Variants in TPR observed in about 807,000 individuals in gnomAD.
TPR encodes nucleoprotein TPR.
A neutral mutation model predicts 316.1 loss-of-function variants in TPR; 51 were observed. That is an observed-to-expected ratio of 0.16 (90% CI 0.13 to 0.20). The LOEUF (loss-of-function observed/expected upper bound fraction) is 0.20, where lower values mean the gene tolerates loss of function less well. TPR is among the 10% of genes least tolerant of loss of function. The pLI, the probability that TPR is intolerant of heterozygous loss-of-function variation, is 1.00. For synonymous variants in TPR, 981 were observed against 914.7 expected (o/e 1.07, Z -1.31); for missense variants, 2,272 against 2,754.8 (o/e 0.82, Z 3.92).
intron 42 of TPR, 130 bp from the exon 43 acceptor site, chr1:186,324,000 A>G: frequency 7.5e-6 from 7 of 927,672 alleles, no homozygotes; most frequent in African/African-American, 5.3e-5. Flanking sequence ...TAAAGTAGTG[A>G]GGTGTGATGG....
intron 46 of TPR, among the ~76,000 whole-genome samples, chr1:186,319,070 A>C (rs1657696316): frequency 6.6e-6 from 1 of 152,168 alleles, no homozygotes; most frequent in African/African-American, 2.4e-5. Context: ...AGCTCACTGT[A>C]GCCTCAAACT....
intron 31 of TPR, among the ~76,000 whole-genome samples, chr1:186,337,720 T>C (rs1178875263): frequency 7.2e-5 from 11 of 152,046 alleles, no homozygotes; most frequent in Admixed American, 2.6e-4. Flanking sequence ...ACAATTTATT[T>C]AAAACTATAC....
In TPR at chr1:186,318,795, G is replaced by C. The variant is rs1657686219; in HGVS notation, c.6602C>G (p.Ala2201Gly). Residue 2201 changes from alanine to glycine, a missense_variant, in exon 47 of 51, where the codon GCT becomes GGT. Ala to Gly is a moderately conservative substitution (Grantham distance 60, BLOSUM62 0). This residue lies in a region of TPR where 88 missense variants were observed against 176.2 expected (regional missense o/e 0.50). Coordinates refer to ENST00000367478, the MANE Select transcript of TPR (RefSeq NM_003292.3). The stretch of plus-strand genomic sequence containing the variant: ...TCGGCCACCTGACTCTTCTTCATGA[G>C]CTAGGAACAGGGGTGTTTCATACAT... ...LGMYETPLFL[A>G]HEEESGGRSV... is the part of the protein sequence containing the mutation. The C allele has an allele frequency of 6.2e-7, 1 of 1,614,086 alleles. No homozygotes were observed. The highest frequency in any genetic ancestry group is 2.2e-5 in the East Asian group (1 of 44,878).
intron 37 of TPR, 89 bp downstream of exon 37, chr1:186,333,033 A>C (rs1658218242): frequency 6.9e-7 from 1 of 1,445,570 alleles, no homozygotes; most frequent in Non-Finnish European, 9.3e-7. Flanking sequence ...ATTTGTACAA[A>C]GAATACTCAA....
chr1:186,359,672 CA>C, intron 12 of TPR, 126 bp downstream of exon 12: 1 of 955,642 alleles, frequency 1.0e-6, no homozygotes, highest in Non-Finnish European at 1.5e-6. Flanking sequence ...TAATAAGTTT[CA>C]AAATGTGTTT....
chr1:186,336,880 A>G, intron 32 of TPR, 133 bp downstream of exon 32: 2 of 1,418,848 alleles, frequency 1.4e-6, no homozygotes, highest in East Asian at 2.3e-5. Flanking sequence ...ACTTACATAC[A>G]TGAGCCATTC....
chr1:186,372,348 C>T (rs931540046), intron 2 of TPR, among the ~76,000 whole-genome samples: 2 of 152,200 alleles, frequency 1.3e-5, no homozygotes, highest in African/African-American at 4.8e-5. Context: ...TCAAGACCAG[C>T]CTGGCCAACA....
Position 186,338,620 on chromosome 1 carries a change from T to C in TPR, c.4152-377A>G, listed in dbSNP as rs545883149. 5.9e-5 allele frequency among the ~76,000 whole-genome samples: 9 copies of C among 152,352 alleles called. No homozygotes were observed. The South Asian group carries it at 1.9e-3, about 32-fold the overall frequency. On this transcript the variant is annotated intron_variant, in intron 30 of 50. Coordinates refer to ENST00000367478, the MANE Select transcript of TPR (RefSeq NM_003292.3). ...TTTTCTGTAAAAGGGCCGGATAGAA[T>C]GTTATGCTTTGCAAGCCACAAAGTC...
chr1:186,346,311 G>A (rs759431439), intron 22 of TPR, 24 bp from the exon 23 acceptor site: 2 of 1,580,736 alleles, frequency 1.3e-6, no homozygotes, highest in South Asian at 1.2e-5. Context: ...CAAACAGTAG[G>A]ATATAAAAAT....
Position 186,312,560 on chromosome 1 carries a change from T to C in TPR, c.*1411A>G. 1.2e-6 allele frequency: 1 copy of C among 801,032 alleles called. No homozygotes were observed. 49.6% of individuals were successfully genotyped at this position (801,032 alleles called of 1,614,324 possible). A position where few individuals can be genotyped will look rare whatever the true frequency, so the allele number is the denominator to read the frequency against. On this transcript the variant is annotated 3_prime_UTR_variant, in exon 51 of 51. Coordinates refer to ENST00000367478, the MANE Select transcript of TPR (RefSeq NM_003292.3). ...CCAATACTTTCTTTTTCCTTGTGGG[T>C]AAGTAAAGCAGTTTGTTCAGGTTTG...
chr1:186,349,984 G>C (rs532301941), intron 21 of TPR, among the ~76,000 whole-genome samples: 1 of 152,138 alleles, frequency 6.6e-6, no homozygotes, highest in African/African-American at 2.4e-5. Context: ...TTAGAAAGCT[G>C]GGTACATACC....
At chr1:186,353,160 C>G (rs887024685) in intron 18 of TPR, among the ~76,000 whole-genome samples, 2 of 152,126 alleles carry the variant, frequency 1.3e-5, no homozygotes, top group African/African-American at 2.4e-5. Context: ...ATCACGAGGT[C>G]AGTAGATCGA....
intron 29 of TPR, 79 bp from the exon 30 acceptor site, chr1:186,339,851 G>T: frequency 1.6e-6 from 2 of 1,238,282 alleles, no homozygotes; most frequent in South Asian, 1.7e-5. Context: ...CAGAATATCT[G>T]ATTATGTTTA....
Position 186,311,776 on chromosome 1 carries a change from T to G in TPR, c.*2195A>C. 1.5e-6 allele frequency: 1 copy of G among 679,504 alleles called. No homozygotes were observed. The highest frequency in any genetic ancestry group is 2.4e-6 in the Non-Finnish European group (1 of 411,200). 42.1% of individuals were successfully genotyped at this position (679,504 alleles called of 1,614,324 possible). A position where few individuals can be genotyped will look rare whatever the true frequency, so the allele number is the denominator to read the frequency against. On this transcript the variant is annotated 3_prime_UTR_variant, in exon 51 of 51. Transcript: ENST00000367478. Reference sequence around the variant, plus strand: ...TGCCCTCAATTTTTATTTTCATTTCTTCACAGGCAAGTCACAATTCATTTG... The same window carrying G: ...TGCCCTCAATTTTTATTTTCATTTCGTCACAGGCAAGTCACAATTCATTTG...
chr1:186,353,555 T>C, intron 18 of TPR, 133 bp downstream of exon 18: 2 of 922,278 alleles, frequency 2.2e-6, no homozygotes, highest in Non-Finnish European at 3.3e-6. Flanking sequence ...GCAAACTATG[T>C]ATTAATTACT....
intron 12 of TPR, 103 bp downstream of exon 12, chr1:186,359,696 A>G: frequency 8.6e-7 from 1 of 1,169,582 alleles, no homozygotes; most frequent in Non-Finnish European, 1.2e-6. Context: ...TGAAAATCGT[A>G]TTTAGATTTT....
In TPR at chr1:186,338,039, C is replaced by G. The variant is rs1658392865; in HGVS notation, c.4356G>C (p.Gln1452His). ...KTQYEELKAQ[Q>H]DKVMETSAQS... ...ATAAGTTTCTTCAAAATACCTTATC[C>G]TGTTGTGCTTTAAGTTCTTCATATT... The change falls in exon 31 of 51, where the codon CAG becomes CAC. Residue 1452 changes from glutamine to histidine, a missense_variant. Physicochemically the swap from Gln to His is conservative, Grantham distance 24. Coordinates refer to ENST00000367478, the MANE Select transcript of TPR (RefSeq NM_003292.3). 3 of 1,596,286 alleles carry G rather than the reference C, an allele frequency of 1.9e-6. No individual in the cohort carries two copies. Among genetic ancestry groups the G allele is most frequent in the Non-Finnish European group, 2.6e-6 (3 of 1,174,858 alleles).
Position 186,359,966 on chromosome 1 carries a change from G to C in TPR, c.1222C>G (p.Gln408Glu), listed in dbSNP as rs1340767892. 6.2e-7 allele frequency: 1 copy of C among 1,609,204 alleles called. No individual in the cohort carries two copies. Among genetic ancestry groups the C allele is most frequent in the Non-Finnish European group, 8.5e-7 (1 of 1,178,706 alleles). Residue 408 changes from glutamine (Q) to glutamate (E), a missense_variant, in exon 12 of 51, where the codon CAG becomes GAG. Transcript: ENST00000367478. ...TTCTCTAGTTTCTCCAAAAGCAACT[G>C]ATCCTGAGTTTCCACATAAGCATTA... ...LYNAYVETQDQLLLEKLENKR... is the reference protein window; with the variant it reads ...LYNAYVETQDELLLEKLENKR...
chr1:186,321,708 ACTT>A lies in TPR; in HGVS notation c.6461+607_6461+609del, dbSNP rs539549901. Among the ~76,000 whole-genome samples, 23 of 152,326 alleles carry A rather than the reference ACTT, an allele frequency of 1.5e-4. No individual in the cohort carries two copies. In the East Asian group the frequency reaches 4.2e-3, roughly 28 times the overall value. ...TTCTCATTAGTTGTTGAAATAAATT[ACTT>A]CTTCATTTGTAGTAACAAAGCCTAC... On this transcript the variant is annotated intron_variant, in intron 45 of 50. Transcript: ENST00000367478.
Sources: allele counts gnomAD v4.1 joint callset (sites outside exome capture counted in the v4.1 genomes callset), GRCh38; gene constraint gnomAD v4.1.1; regional missense constraint gnomAD v4.1.1; transcripts MANE v1.5; gene names NCBI Gene and HGNC (gene_info 2026-07-23, HGNC 2026-07-21).